Variants in KDM4C observed in about 807,000 individuals in gnomAD.
KDM4C encodes the protein lysine-specific demethylase 4C.
Under a neutral mutation model 129.3 loss-of-function variants are expected in KDM4C, and 81 were observed. The observed-to-expected ratio is 0.63, with a 90% CI of 0.52 to 0.75. The LOEUF is 0.75. KDM4C is among the 30% of genes least tolerant of loss of function. The pLI, the probability that KDM4C is intolerant of heterozygous loss-of-function variation, is 0.00. For synonymous variants in KDM4C, 573 were observed against 456.1 expected (o/e 1.26, Z -3.26); for missense variants, 1,457 against 1,304.0 (o/e 1.12, Z -1.81).
intron 17 of KDM4C, among the ~76,000 whole-genome samples, chr9:7,064,144 C>A (rs188523347): frequency 1.3e-5 from 2 of 152,118 alleles, no homozygotes; most frequent in Non-Finnish European, 2.9e-5. Flanking sequence ...TTTTGGTAGG[C>A]CTACCTTTCA....
intron 17 of KDM4C, among the ~76,000 whole-genome samples, chr9:7,093,603 C>CTCCTTTGGCAGTTTTTGG (rs1367112100): frequency 1.3e-5 from 2 of 152,058 alleles, no homozygotes; most frequent in Non-Finnish European, 2.9e-5. Context: ...GTGTCCTGGA[C>CTCCTTTGGCAGTTTTTGG]TCCTTTGGCA....
chr9:7,052,724 G>A (rs1830314195), intron 17 of KDM4C, among the ~76,000 whole-genome samples: 2 of 152,148 alleles, frequency 1.3e-5, no homozygotes, highest in Non-Finnish European at 2.9e-5. Context: ...GAGTGGACAA[G>A]TGGTTCATCC....
intron 18 of KDM4C, among the ~76,000 whole-genome samples, chr9:7,122,265 A>ACACACACACACACTCTCTCTCTCTCTCT (rs375655422): frequency 2.1e-5 from 3 of 144,822 alleles, no homozygotes; most frequent in African/African-American, 7.8e-5. Flanking sequence ...ACACACACAC[A>ACACACACACACACTCTCTCTCTCTCTCT]CTCTCTCTCT....
intron 4 of KDM4C, among the ~76,000 whole-genome samples, chr9:6,847,879 C>G (rs1050848977): frequency 6.6e-6 from 1 of 152,102 alleles, no homozygotes; most frequent in Non-Finnish European, 1.5e-5. Context: ...AACCCCAAAG[C>G]TTTAGACAGT....
chr9:7,072,997 G>C (rs1247341650), intron 17 of KDM4C, among the ~76,000 whole-genome samples: 2 of 152,146 alleles, frequency 1.3e-5, no homozygotes, highest in Admixed American at 6.5e-5. Flanking sequence ...GTGAAGAAAA[G>C]TAGTAGGAGA....
chr9:7,056,013 A>T (rs1354566871), intron 17 of KDM4C, among the ~76,000 whole-genome samples: 11 of 152,238 alleles, frequency 7.2e-5, no homozygotes, highest in Admixed American at 7.2e-4. Flanking sequence ...AGTATGTTCC[A>T]CATTAACTCA....
intron 8 of KDM4C, among the ~76,000 whole-genome samples, chr9:6,954,630 C>T (rs961826750): frequency 5.3e-5 from 8 of 152,080 alleles, no homozygotes; most frequent in Non-Finnish European, 1.2e-4. Flanking sequence ...GGATTCATAG[C>T]TTTGAGGAAA....
chr9:7,108,752 A>G (rs1837988211), intron 18 of KDM4C, among the ~76,000 whole-genome samples: 1 of 152,172 alleles, frequency 6.6e-6, no homozygotes, highest in Middle Eastern at 3.2e-3. Flanking sequence ...TCTCATTGCT[A>G]ACAACAGTGA....
chr9:7,110,517 C>T (rs1185392658), intron 18 of KDM4C, among the ~76,000 whole-genome samples: 1 of 152,146 alleles, frequency 6.6e-6, no homozygotes, highest in Non-Finnish European at 1.5e-5. Flanking sequence ...ATTCTCTTAA[C>T]TCTTCCTAGG....
intron 8 of KDM4C, among the ~76,000 whole-genome samples, chr9:6,924,530 A>G (rs1273321458): frequency 6.6e-6 from 1 of 152,128 alleles, no homozygotes; most frequent in Non-Finnish European, 1.5e-5. Context: ...TAGTCCTTTT[A>G]GGACTAGATT....
intron 18 of KDM4C, among the ~76,000 whole-genome samples, chr9:7,122,393 C>T (rs1839602134): frequency 6.6e-6 from 1 of 152,100 alleles, no homozygotes; most frequent in South Asian, 2.1e-4. Flanking sequence ...CCAGGCCCCA[C>T]CTCCAATATT....
At position 6,992,160 on chromosome 9, in the gene KDM4C, CTT is replaced by C. The variant is rs1427205836; in HGVS notation, c.1786+1637_1786+1638del. ...ATTTCCCTTTCCCATGGTAGACTCT[CTT>C]CAGTATAACTTTTGTGAAGGGAATA... On this transcript the variant is annotated intron_variant, in intron 12 of 21. Coordinates refer to ENST00000381309, the MANE Select transcript of KDM4C (RefSeq NM_015061.6). Among the ~76,000 whole-genome samples, 22 of 152,134 alleles carry C rather than the reference CTT, an allele frequency of 1.4e-4. 1 individual carries two copies. The highest frequency in any genetic ancestry group is 1.4e-3 in the Admixed American group (22 of 15,272).
intron 12 of KDM4C, among the ~76,000 whole-genome samples, chr9:7,002,793 A>C (rs1820966898): frequency 6.6e-6 from 1 of 152,256 alleles, no homozygotes; most frequent in East Asian, 1.9e-4. Flanking sequence ...CACTTGTCCT[A>C]GATCACAAAG....
intron 4 of KDM4C, among the ~76,000 whole-genome samples, chr9:6,841,225 G>A (rs1362368181): frequency 2.0e-5 from 3 of 152,014 alleles, no homozygotes; most frequent in Admixed American, 2.0e-4. Flanking sequence ...GTCATTATTG[G>A]CCCAGTTTGG....
chr9:6,732,699 G>T (rs1397975010), intron 1 of KDM4C, among the ~76,000 whole-genome samples: 1 of 152,108 alleles, frequency 6.6e-6, no homozygotes, highest in Non-Finnish European at 1.5e-5. Context: ...TTGTAAAATG[G>T]CAGAGACCAA....
At chr9:7,032,067 A>G (rs1826871973) in intron 15 of KDM4C, among the ~76,000 whole-genome samples, 2 of 152,228 alleles carry the variant, frequency 1.3e-5, no homozygotes, top group African/African-American at 4.8e-5. Flanking sequence ...ATCTTTGTGA[A>G]CCACGAAGCT....
At chr9:7,129,725 A>G (rs1045769254) in intron 19 of KDM4C, among the ~76,000 whole-genome samples, 15 of 152,192 alleles carry the variant, frequency 9.9e-5, no homozygotes, top group Admixed American at 6.5e-4. Context: ...TTGAACTACA[A>G]GCAATCTACC....
chr9:6,770,377 TATC>T (rs1821517130), intron 1 of KDM4C, among the ~76,000 whole-genome samples: 1 of 152,190 alleles, frequency 6.6e-6, no homozygotes, highest in African/African-American at 2.4e-5. Context: ...GCTGTCAACT[TATC>T]AGTTTGGATT....
intron 1 of KDM4C, among the ~76,000 whole-genome samples, chr9:6,735,860 G>A (rs1200156254): frequency 6.6e-6 from 1 of 152,174 alleles, no homozygotes; most frequent in Non-Finnish European, 1.5e-5. Context: ...AGTTTGGAGG[G>A]CTCAGAAGAA....
Sources: gnomAD v4.1 joint callset for allele counts (sites outside exome capture counted in the v4.1 genomes callset) on GRCh38, gnomAD v4.1.1 for gene constraint, MANE v1.5 for transcripts, NCBI Gene and HGNC (gene_info 2026-07-23, HGNC 2026-07-21) for gene names.